RNFT1: variants seen among roughly 807,000 people sequenced by gnomAD.
RNFT1 encodes the protein E3 ubiquitin-protein ligase RNFT1.
RNFT1 carries 35 observed loss-of-function variants against 53.2 expected under a neutral mutation model. The observed-to-expected ratio is 0.66, with a 90% CI of 0.50 to 0.87. RNFT1 has a LOEUF of 0.87. Among genes scored for constraint, RNFT1 ranks in the 40% least tolerant of loss-of-function variants. The probability of loss-of-function intolerance (pLI) is 0.00; values close to 1 mark genes in which losing one functional copy is unlikely to be tolerated. For missense variants in RNFT1, 421 were observed against 515.0 expected (o/e 0.82, Z 1.77); for synonymous variants, 141 against 172.8 (o/e 0.82, Z 1.44).
intron 3 of RNFT1, among the ~76,000 whole-genome samples, chr17:59,960,437 C>CAAAAAAAAAAAAAAAA (rs11406596): frequency 1.5e-5 from 1 of 68,322 alleles, no homozygotes; most frequent in African/African-American, 6.4e-5. Flanking sequence ...AGTCTTCTCT[C>CAAAAAAAAAAAAAAAA]AAAAAAAAAA....
chr17:59,954,652 C>T (rs948957983), intron 7 of RNFT1, among the ~76,000 whole-genome samples: 2 of 152,098 alleles, frequency 1.3e-5, no homozygotes, highest in African/African-American at 4.8e-5. Context: ...GGATGTGACC[C>T]AGTAATCTAT....
intron 7 of RNFT1, 34 bp from the exon 8 acceptor site, chr17:59,954,180 T>C: frequency 7.2e-7 from 1 of 1,385,198 alleles, no homozygotes; most frequent in Middle Eastern, 1.8e-4. Context: ...CATCTACAAA[T>C]TTCTTTCTTT....
rs778421039 is a variant in RNFT1, at chr17:59,964,714, C to T, written c.-51G>A. The T allele has an allele frequency of 6.5e-7, 1 of 1,543,694 alleles. No individual in the cohort carries two copies. The highest frequency in any genetic ancestry group is 8.8e-7 in the Non-Finnish European group (1 of 1,142,738). On this transcript the variant is annotated 5_prime_UTR_variant, in exon 1 of 9. Coordinates refer to ENST00000305783, the MANE Select transcript of RNFT1 (RefSeq NM_016125.4). ...GGCCATCAACCGCAAACCCCGCAAG[C>T]TCTTCTCTCAGCCCGGCGGCAACGG...
chr17:59,964,353 C>T (rs1187642884), intron 1 of RNFT1, among the ~76,000 whole-genome samples: 3 of 152,146 alleles, frequency 2.0e-5, no homozygotes, highest in Admixed American at 6.5e-5. Flanking sequence ...GTTATTTCGT[C>T]AAAACTGAAG....
chr17:59,954,108 A>C lies in RNFT1; in HGVS notation c.1110T>G (p.Asp370Glu). ...GACATATTGAACAAATATCATCCAC[A>C]TCTGAACACTGTCTCTTGCTGGCAG... ...GVAASKRQCS[D>E]VDDICSICQA... The change falls in exon 8 of 9, where the codon GAT becomes GAG. Residue 370 changes from aspartate to glutamate, a missense_variant. By Grantham distance (45) the Asp-to-Glu change is conservative (BLOSUM62 2). Transcript: ENST00000305783. 6.2e-7 allele frequency: 1 copy of C among 1,604,028 alleles called. No individual in the cohort carries two copies. Among genetic ancestry groups the C allele is most frequent in the South Asian group, 1.1e-5 (1 of 89,182 alleles).
intron 6 of RNFT1, 116 bp from the exon 7 acceptor site, chr17:59,956,669 TATGTCAC>T: frequency 1.4e-6 from 1 of 698,248 alleles, no homozygotes; most frequent in South Asian, 1.8e-5. Context: ...ATGTTCATTA[TATGTCAC>T]ATCTAATCAT....
chr17:59,953,948 A>T, intron 8 of RNFT1, 97 bp downstream of exon 8: 1 of 614,294 alleles, frequency 1.6e-6, no homozygotes, highest in East Asian at 3.4e-5. Flanking sequence ...TAAACACTAG[A>T]TTTTTTTTTT....
intron 4 of RNFT1, 29 bp from the exon 5 acceptor site, chr17:59,958,473 C>A: frequency 1.3e-6 from 2 of 1,481,918 alleles, no homozygotes; most frequent in South Asian, 2.5e-5. Context: ...CAAAATTTAT[C>A]AGAGCAACAT....
rs1018467351 is a variant in RNFT1, at chr17:59,956,483, C to T, written c.1071+5G>A. 1 of 1,606,528 alleles carries T rather than the reference C, an allele frequency of 6.2e-7. No individual in the cohort carries two copies. Among genetic ancestry groups the T allele is most frequent in the Non-Finnish European group, 8.5e-7 (1 of 1,175,496 alleles). On this transcript the variant is annotated splice_donor_5th_base_variant and intron_variant, in intron 7 of 8. Transcript: ENST00000305783. Reference sequence around the variant, plus strand: ...TGTTTTTCTTAACTGATAAAAAGTACTTACTGGTTGTGTAAAAAATATTCG... The same window carrying T: ...TGTTTTTCTTAACTGATAAAAAGTATTTACTGGTTGTGTAAAAAATATTCG...
At chr17:59,962,514 AT>A in intron 3 of RNFT1, 25 bp downstream of exon 3, 3 of 1,429,076 alleles carry the variant, frequency 2.1e-6, no homozygotes, top group Non-Finnish European at 9.7e-7. Context: ...ACAGTTAATA[AT>A]TTTTTAGTTG....
Position 59,952,829 on chromosome 17 carries a change from C to T in RNFT1, c.*148G>A, listed in dbSNP as rs1209099794. 1.5e-6 allele frequency: 1 copy of T among 650,236 alleles called. No individual in the cohort carries two copies. Among genetic ancestry groups the T allele is most frequent in the African/African-American group, 1.8e-5 (1 of 54,716 alleles). 40.3% of individuals were successfully genotyped at this position (650,236 alleles called of 1,614,324 possible). A position where few individuals can be genotyped will look rare whatever the true frequency, so the allele number is the denominator to read the frequency against. Reference sequence around the variant, plus strand: ...AAAACACAGGGTGGTTTCATTTAATCTTTTGGTGAATTGGATCATAAGTCC... The same window carrying T: ...AAAACACAGGGTGGTTTCATTTAATTTTTTGGTGAATTGGATCATAAGTCC... On this transcript the variant is annotated 3_prime_UTR_variant, in exon 9 of 9. Transcript: ENST00000305783.
intron 8 of RNFT1, 145 bp from the exon 9 acceptor site, chr17:59,953,256 C>T (rs569042078): frequency 6.7e-5 from 43 of 640,684 alleles, no homozygotes; most frequent in African/African-American, 6.1e-4. Flanking sequence ...AGTGCAATGG[C>T]ACCATCTCGG....
At chr17:59,957,656 C>G (rs2145116584) in intron 5 of RNFT1, among the ~76,000 whole-genome samples, 1 of 152,184 alleles carries the variant, frequency 6.6e-6, no homozygotes, top group South Asian at 2.1e-4. Flanking sequence ...GACCAGCTGG[C>G]CAACATGGTG....
intron 7 of RNFT1, 26 bp downstream of exon 7, chr17:59,956,462 T>G (rs2045254860): frequency 1.3e-6 from 2 of 1,576,124 alleles, no homozygotes; most frequent in African/African-American, 2.7e-5. Flanking sequence ...TGAAGGTGTT[T>G]TTCTTAACTG....
At chr17:59,962,000 C>T (rs1407807231) in intron 3 of RNFT1, among the ~76,000 whole-genome samples, 1 of 151,870 alleles carries the variant, frequency 6.6e-6, no homozygotes, top group Non-Finnish European at 1.5e-5. Context: ...ATTCTCCTGC[C>T]TCAGCCTCCC....
Position 59,964,650 on chromosome 17 carries a change from A to G in RNFT1, c.14T>C (p.Leu5Ser), listed in dbSNP as rs2145122257. Residue 5 changes from leucine (L) to serine (S), a missense_variant, in exon 1 of 9, where the codon TTG (leucine) becomes TCG (serine). Transcript: ENST00000305783. MPLF[L>S]LSLPTPPSAS... ...GGACGGAGGTGTCGGGAGCGACAGCAAGAACAGCGGCATACACCGCCTCCA... is the reference window on the plus strand; with the variant it reads ...GGACGGAGGTGTCGGGAGCGACAGCGAGAACAGCGGCATACACCGCCTCCA... 1 of 1,608,544 alleles carries G rather than the reference A, an allele frequency of 6.2e-7. No individual in the cohort carries two copies. Among genetic ancestry groups the G allele is most frequent in the Non-Finnish European group, 8.5e-7 (1 of 1,177,730 alleles).
chr17:59,961,827 T>C (rs2045294250), intron 3 of RNFT1, among the ~76,000 whole-genome samples: 1 of 150,722 alleles, frequency 6.6e-6, no homozygotes. Flanking sequence ...TCTGCCTGCC[T>C]GGGCCTCCCA....
intron 5 of RNFT1, among the ~76,000 whole-genome samples, chr17:59,957,753 G>A (rs1415009847): frequency 6.6e-6 from 1 of 152,118 alleles, no homozygotes; most frequent in Non-Finnish European, 1.5e-5. Flanking sequence ...GCTGAGGCAG[G>A]AGAACTGCCT....
At chr17:59,962,176 T>C (rs928406850) in intron 3 of RNFT1, 7 of 171,140 alleles carry the variant, frequency 4.1e-5, no homozygotes, top group Non-Finnish European at 7.5e-5. Context: ...TGAGCCACCA[T>C]GCCCAGCCAC....
Sources: allele counts gnomAD v4.1 joint callset (sites outside exome capture counted in the v4.1 genomes callset), GRCh38; gene constraint gnomAD v4.1.1; transcripts MANE v1.5; gene names NCBI Gene and HGNC (gene_info 2026-07-23, HGNC 2026-07-21).